MCTP1: variants seen among roughly 807,000 people sequenced by gnomAD.
MCTP1 encodes the protein multiple C2 and transmembrane domain containing 1.
A neutral mutation model predicts 120.6 loss-of-function variants in MCTP1; 69 were observed. The ratio of observed to expected loss-of-function variants is 0.57; its 90% CI spans 0.47 to 0.70. The LOEUF is 0.70. MCTP1 is among the 30% of genes least tolerant of loss of function. The pLI, the probability that MCTP1 is intolerant of heterozygous loss-of-function variation, is 0.00. For synonymous variants in MCTP1, 529 were observed against 493.1 expected, an observed-to-expected ratio of 1.07 and a Z score of -0.96; for missense variants, 1,203 against 1,248.8, an observed-to-expected ratio of 0.96 and a Z score of 0.55.
intron 9 of MCTP1, among the ~76,000 whole-genome samples, chr5:94,911,461 T>G (rs1808552321): frequency 6.6e-6 from 1 of 152,184 alleles, no homozygotes; most frequent in South Asian, 2.1e-4. Context: ...GTTCTTATGA[T>G]AGTGAATGCA....
chr5:94,986,699 T>C (rs1408321636), intron 2 of MCTP1, among the ~76,000 whole-genome samples: 1 of 152,070 alleles, frequency 6.6e-6, no homozygotes, highest in Non-Finnish European at 1.5e-5. Flanking sequence ...TTAGTAGAGA[T>C]TGGATTTCCT....
At chr5:94,975,757 T>G (rs1053950879) in intron 2 of MCTP1, among the ~76,000 whole-genome samples, 4 of 152,140 alleles carry the variant, frequency 2.6e-5, no homozygotes, top group African/African-American at 9.7e-5. Flanking sequence ...TTGAGTGTCC[T>G]ACTCCACCAT....
intron 19 of MCTP1, among the ~76,000 whole-genome samples, chr5:94,717,094 A>G (rs1417098006): frequency 6.6e-6 from 1 of 152,184 alleles, no homozygotes; most frequent in African/African-American, 2.4e-5. Context: ...TGAGATAGAT[A>G]GCCAAAATCT....
At chr5:95,023,401 A>G (rs1039762527) in intron 1 of MCTP1, among the ~76,000 whole-genome samples, 1 of 152,232 alleles carries the variant, frequency 6.6e-6, no homozygotes, top group African/African-American at 2.4e-5. Flanking sequence ...CAAAAGATGG[A>G]TTTGAGAGTT....
intron 1 of MCTP1, among the ~76,000 whole-genome samples, chr5:95,071,682 G>T (rs1172185523): frequency 6.6e-6 from 1 of 152,194 alleles, no homozygotes; most frequent in African/African-American, 2.4e-5. Context: ...GAAATGCAGT[G>T]AAATAACCAG....
chr5:94,875,821 A>G (rs1798753288), intron 12 of MCTP1, among the ~76,000 whole-genome samples: 1 of 152,040 alleles, frequency 6.6e-6, no homozygotes, highest in Non-Finnish European at 1.5e-5. Flanking sequence ...GAATCTGACA[A>G]AGAGGAAAGT....
intron 19 of MCTP1, among the ~76,000 whole-genome samples, chr5:94,751,064 C>T (rs1297665214): frequency 6.6e-6 from 1 of 152,150 alleles, no homozygotes; most frequent in Non-Finnish European, 1.5e-5. Flanking sequence ...TGCCCTTAAA[C>T]AAGAACAAGC....
At chr5:95,124,049 G>A (rs1234045820) in intron 1 of MCTP1, among the ~76,000 whole-genome samples, 1 of 152,098 alleles carries the variant, frequency 6.6e-6, no homozygotes, top group African/African-American at 2.4e-5. Flanking sequence ...GGTCCTCAAG[G>A]GTAACACGTA....
At chr5:95,049,259 A>G (rs576745079) in intron 1 of MCTP1, among the ~76,000 whole-genome samples, 1 of 152,228 alleles carries the variant, frequency 6.6e-6, no homozygotes, top group African/African-American at 2.4e-5. Flanking sequence ...GTTAAATTTT[A>G]TAACATTTGC....
chr5:94,757,302 T>C (rs1770135038), intron 19 of MCTP1, among the ~76,000 whole-genome samples: 1 of 152,102 alleles, frequency 6.6e-6, no homozygotes, highest in Admixed American at 6.5e-5. Context: ...GGGTCTTAGA[T>C]AAACGGAAAG....
rs541673590 is a variant in MCTP1 at position 94,791,428 on chromosome 5, G to A, written c.2556+7585C>T. Among the ~76,000 whole-genome samples the A allele has an allele frequency of 4.6e-5, 7 of 152,094 alleles. No homozygotes were observed. The South Asian group carries it at 1.0e-3, about 23-fold the overall frequency. The stretch of plus-strand genomic sequence containing the variant: ...GAAAACTGATTGAGTCTAGGAGTTC[G>A]AGGCTGCAGTGAGCTATGATGGCAC... On this transcript the variant is annotated intron_variant, in intron 18 of 22. Coordinates refer to ENST00000515393, the MANE Select transcript of MCTP1 (RefSeq NM_024717.7).
At chr5:95,173,954 T>C (rs950906784) in intron 1 of MCTP1, among the ~76,000 whole-genome samples, 2 of 150,890 alleles carry the variant, frequency 1.3e-5, no homozygotes, top group African/African-American at 2.4e-5. Flanking sequence ...GTTAAAGAAA[T>C]GGAAGAAAAA....
chr5:95,203,800 T>A (rs1351652889), intron 1 of MCTP1, among the ~76,000 whole-genome samples: 1 of 152,242 alleles, frequency 6.6e-6, no homozygotes, highest in Non-Finnish European at 1.5e-5. Context: ...AAAGCATTAA[T>A]CTTCAGCTTT....
intron 17 of MCTP1, among the ~76,000 whole-genome samples, chr5:94,815,530 C>T (rs762873280): frequency 3.3e-5 from 5 of 152,198 alleles, no homozygotes; most frequent in Non-Finnish European, 5.9e-5. Flanking sequence ...GCTCCCCTTT[C>T]ACTAGTTCAG....
chr5:94,779,763 G>A (rs1362893072), intron 18 of MCTP1, among the ~76,000 whole-genome samples: 1 of 152,092 alleles, frequency 6.6e-6, no homozygotes, highest in South Asian at 2.1e-4. Context: ...AGAATATCAT[G>A]AGAATGCATA....
At chr5:94,857,993 G>T (rs1410882410) in intron 17 of MCTP1, among the ~76,000 whole-genome samples, 7 of 151,492 alleles carry the variant, frequency 4.6e-5, no homozygotes, top group Admixed American at 4.6e-4. Context: ...AATGAAGCTG[G>T]GTCACCAGTT....
chr5:95,238,012 C>T (rs1416504819), intron 1 of MCTP1, among the ~76,000 whole-genome samples: 2 of 152,236 alleles, frequency 1.3e-5, no homozygotes, highest in South Asian at 2.1e-4. Context: ...CCAGTACATT[C>T]TCTGCAGTAG....
chr5:95,136,697 A>C (rs1759474431), intron 1 of MCTP1, among the ~76,000 whole-genome samples: 1 of 152,234 alleles, frequency 6.6e-6, no homozygotes. Context: ...AAATACTATT[A>C]GTATCCCTAT....
At chr5:94,966,587 A>G (rs1825660312) in intron 2 of MCTP1, among the ~76,000 whole-genome samples, 1 of 152,160 alleles carries the variant, frequency 6.6e-6, no homozygotes, top group Admixed American at 6.5e-5. Flanking sequence ...CAAGGTCAGG[A>G]GATCAAGACC....
Sources: gnomAD v4.1 joint callset for allele counts (sites outside exome capture counted in the v4.1 genomes callset) on GRCh38, gnomAD v4.1.1 for gene constraint, MANE v1.5 for transcripts, NCBI Gene and HGNC (gene_info 2026-07-23, HGNC 2026-07-21) for gene names.